Variants in COL14A1 observed in about 807,000 individuals in gnomAD.
COL14A1 encodes collagen type XIV alpha 1 chain, also known as collagen alpha-1(XIV) chain.
In COL14A1, 136 loss-of-function variants were observed where a neutral mutation model predicts 230.3. The ratio of observed to expected loss-of-function variants is 0.59; its 90% CI spans 0.51 to 0.68. The LOEUF is 0.68. Among genes scored for constraint, COL14A1 ranks in the 30% least tolerant of loss-of-function variants. COL14A1 has a pLI of 0.00. For synonymous variants in COL14A1, 792 were observed against 784.1 expected (o/e 1.01, Z -0.17); for missense variants, 1,976 against 2,215.8 (o/e 0.89, Z 2.17).
At chr8:120,314,598 A>G (rs1821150252) in intron 38 of COL14A1, among the ~76,000 whole-genome samples, 1 of 152,248 alleles carries the variant, frequency 6.6e-6, no homozygotes, top group Non-Finnish European at 1.5e-5. Flanking sequence ...GTAGGAGTCT[A>G]GATTTAAGAA....
chr8:120,367,369 C>G (rs1377917537), intron 46 of COL14A1, 121 bp downstream of exon 46: 4 of 796,922 alleles, frequency 5.0e-6, no homozygotes, highest in Middle Eastern at 2.4e-4. Context: ...GTATTTCTTA[C>G]TTGTTTTATT....
chr8:120,151,223 G>A (rs1815267922), intron 2 of COL14A1, among the ~76,000 whole-genome samples: 1 of 152,110 alleles, frequency 6.6e-6, no homozygotes, highest in African/African-American at 2.4e-5. Context: ...GACTGATTTT[G>A]AGCAAGGAAT....
At chr8:120,294,861 A>G (rs985352784) in intron 34 of COL14A1, among the ~76,000 whole-genome samples, 1 of 151,876 alleles carries the variant, frequency 6.6e-6, no homozygotes, top group African/African-American at 2.4e-5. Flanking sequence ...ACATTCCTGA[A>G]ATTATAATAT....
At chr8:120,149,164 T>C (rs1815190328) in intron 2 of COL14A1, among the ~76,000 whole-genome samples, 1 of 152,270 alleles carries the variant, frequency 6.6e-6, no homozygotes, top group Admixed American at 6.5e-5. Context: ...ATTTATCAGC[T>C]GAGCAAGGAA....
At chr8:120,167,232 T>C (rs559582105) in intron 4 of COL14A1, among the ~76,000 whole-genome samples, 245 of 152,098 alleles carry the variant, frequency 1.6e-3, no homozygotes, top group Non-Finnish European at 2.9e-3. Context: ...GGGAGGAGGA[T>C]GTGATAAAGA....
chr8:120,251,362 A>G (rs943474514), intron 22 of COL14A1, among the ~76,000 whole-genome samples: 2 of 152,202 alleles, frequency 1.3e-5, no homozygotes, highest in African/African-American at 2.4e-5. Flanking sequence ...GAGATGGCCA[A>G]TGTCAAAGTT....
In COL14A1 at chr8:120,224,988, T is replaced by C. The variant is rs1270232911; in HGVS notation, c.1738-100T>C. 12 of 1,135,328 alleles carry C rather than the reference T, an allele frequency of 1.1e-5. No homozygotes were observed. In the East Asian group the frequency reaches 3.1e-4, roughly 29 times the overall value. 70.3% of individuals were successfully genotyped at this position (1,135,328 alleles called of 1,614,324 possible). ...ATTCAGTAATTTGTTTTGCAGTGTTTATAGCTTTGCTGTCAGCTAAGCGAG... is the reference window on the plus strand; with the variant it reads ...ATTCAGTAATTTGTTTTGCAGTGTTCATAGCTTTGCTGTCAGCTAAGCGAG... On this transcript the variant is annotated intron_variant, in intron 14 of 47. Transcript: ENST00000297848.
intron 4 of COL14A1, among the ~76,000 whole-genome samples, chr8:120,163,196 C>T (rs999679403): frequency 6.6e-6 from 1 of 152,192 alleles, no homozygotes; most frequent in Non-Finnish European, 1.5e-5. Flanking sequence ...CCATGATAAG[C>T]TGATTTGTCA....
intron 19 of COL14A1, among the ~76,000 whole-genome samples, chr8:120,236,191 A>T (rs1216040255): frequency 6.6e-6 from 1 of 152,186 alleles, no homozygotes; most frequent in African/African-American, 2.4e-5. Flanking sequence ...TGTCTCATTT[A>T]TCTGTCTAAT....
upstream of COL14A1, chr8:120,124,969 A>T (rs1476399939): frequency 6.6e-6 from 1 of 152,350 alleles, no homozygotes; most frequent in Non-Finnish European, 1.5e-5. Flanking sequence ...CATCTCCGGT[A>T]GGGCGGGGAT....
intron 13 of COL14A1, among the ~76,000 whole-genome samples, chr8:120,212,809 C>G (rs527815380): frequency 1.6e-4 from 25 of 152,238 alleles, no homozygotes; most frequent in Admixed American, 1.0e-3. Flanking sequence ...CCACCTATGT[C>G]TTTCTTTGTC....
chr8:120,267,633 T>C (rs771585226), intron 25 of COL14A1, among the ~76,000 whole-genome samples: 1 of 151,816 alleles, frequency 6.6e-6, no homozygotes, highest in Non-Finnish European at 1.5e-5. Flanking sequence ...GAGACAGGTA[T>C]TGGGATGAAT....
intron 29 of COL14A1, 107 bp from the exon 30 acceptor site, chr8:120,280,604 A>G (rs1820003745): frequency 1.6e-5 from 17 of 1,076,936 alleles, no homozygotes; most frequent in South Asian, 2.8e-5. Flanking sequence ...TCTCTCCACA[A>G]TCAACTTCTG....
At chr8:120,194,123 A>C (rs576683094) in intron 5 of COL14A1, among the ~76,000 whole-genome samples, 1 of 152,288 alleles carries the variant, frequency 6.6e-6, no homozygotes, top group East Asian at 1.9e-4. Flanking sequence ...GAAATGCAGA[A>C]ATCACCTGTC....
In COL14A1 at chr8:120,299,458, A is replaced by C. The variant is rs111645585; in HGVS notation, c.4315-1274A>C. On this transcript the variant is annotated intron_variant, in intron 35 of 47. Coordinates refer to ENST00000297848, the MANE Select transcript of COL14A1 (RefSeq NM_021110.4). ...AACACTCGGAATCCTCTGTTGTATCAAGCAAAGATGTGATCACCACTTTTT... is the reference window on the plus strand; with the variant it reads ...AACACTCGGAATCCTCTGTTGTATCCAGCAAAGATGTGATCACCACTTTTT... Among the ~76,000 whole-genome samples, 447 of 152,210 alleles carry C rather than the reference A, an allele frequency of 2.9e-3. 3 individuals carry two copies. Among genetic ancestry groups the C allele is most frequent in the Middle Eastern group, 0.01 (3 of 294 alleles).
chr8:120,308,302 TG>T (rs1298234595), intron 36 of COL14A1, among the ~76,000 whole-genome samples: 1 of 152,230 alleles, frequency 6.6e-6, no homozygotes, highest in African/African-American at 2.4e-5. Context: ...TTTAAATGGC[TG>T]AAAATTGTGG....
intron 1 of COL14A1, among the ~76,000 whole-genome samples, chr8:120,141,139 TACTTTACTGTCCAAAAGTTTGGGG>T (rs1814894698): frequency 2.0e-5 from 3 of 152,202 alleles, no homozygotes; most frequent in Admixed American, 2.0e-4. Context: ...TTCTTGCCCT[TACTTTACTGTCCAAAAGTTTGGGG>T]ACTTGGCAGA....
intron 3 of COL14A1, among the ~76,000 whole-genome samples, chr8:120,160,951 C>T (rs949111973): frequency 6.6e-6 from 1 of 152,152 alleles, no homozygotes; most frequent in South Asian, 2.1e-4. Flanking sequence ...CACTCCATAA[C>T]TCTCAAAGAG....
intron 31 of COL14A1, among the ~76,000 whole-genome samples, chr8:120,282,334 C>T (rs543408194): frequency 6.6e-6 from 1 of 152,306 alleles, no homozygotes; most frequent in Admixed American, 6.5e-5. Flanking sequence ...CTCACTCAGA[C>T]TCGCACGCTA....
Sources: allele counts gnomAD v4.1 joint callset (sites outside exome capture counted in the v4.1 genomes callset), GRCh38; gene constraint gnomAD v4.1.1; transcripts MANE v1.5; gene names NCBI Gene and HGNC (gene_info 2026-07-23, HGNC 2026-07-21).